The following PKD1L1 variants were observed in gnomAD, a reference collection of about 807,000 sequenced individuals.
PKD1L1 encodes polycystin 1 like 1, transient receptor potential channel interacting.
A neutral mutation model predicts 323.4 loss-of-function variants in PKD1L1; 236 were observed. That is an observed-to-expected ratio of 0.73 (90% CI 0.66 to 0.81). The LOEUF is 0.81. PKD1L1 is among the 40% of genes least tolerant of loss of function. The pLI, the probability that PKD1L1 is intolerant of heterozygous loss-of-function variation, is 0.00. For synonymous variants in PKD1L1, 1,344 were observed against 1,335.0 expected, an observed-to-expected ratio of 1.01 and a Z score of -0.15; for missense variants, 3,320 against 3,508.0, an observed-to-expected ratio of 0.95 and a Z score of 1.35.
chr7:47,820,674 C>T (rs1379128382), intron 46 of PKD1L1, among the ~76,000 whole-genome samples: 1 of 151,796 alleles, frequency 6.6e-6, no homozygotes, highest in Non-Finnish European at 1.5e-5. Context: ...TTGCAGTGAG[C>T]TGAGATGGCG....
chr7:47,866,684 A>G, intron 24 of PKD1L1, 70 bp from the exon 25 acceptor site: 1 of 1,347,696 alleles, frequency 7.4e-7, no homozygotes, highest in East Asian at 2.3e-5. Flanking sequence ...GACTACCAAG[A>G]GTGGGATGGG....
chr7:47,827,301 G>A (rs772194390), intron 45 of PKD1L1, 49 bp downstream of exon 45: 5 of 1,473,826 alleles, frequency 3.4e-6, no homozygotes. Context: ...CTCCCTCCGA[G>A]AAGGGAGCTG....
Position 47,829,554 on chromosome 7 carries a change from G to A in PKD1L1, c.6606C>T (p.Asn2202=). The change falls in exon 44 of 57, where the codon AAC becomes AAT. Residue 2202 remains asparagine (N), a synonymous_variant. Coordinates refer to ENST00000289672, the MANE Select transcript of PKD1L1 (RefSeq NM_138295.5). ...LGFAWKRRAD[N]HFFTESLCEA... ...CACATAAAGACTCAGTAAAAAAGTGGTTGTCAGCTCTTCTTTTCCAAGCAA... is the reference window on the plus strand; with the variant it reads ...CACATAAAGACTCAGTAAAAAAGTGATTGTCAGCTCTTCTTTTCCAAGCAA... 6.2e-7 allele frequency: 1 copy of A among 1,613,446 alleles called. No homozygotes were observed. Among genetic ancestry groups the A allele is most frequent in the Non-Finnish European group, 8.5e-7 (1 of 1,179,870 alleles).
chr7:47,872,076 G>T (rs1219846410), intron 24 of PKD1L1, among the ~76,000 whole-genome samples: 1 of 152,146 alleles, frequency 6.6e-6, no homozygotes, highest in African/African-American at 2.4e-5. Flanking sequence ...GTTCAGCAGG[G>T]TTATAGGATA....
intron 3 of PKD1L1, among the ~76,000 whole-genome samples, chr7:47,939,836 C>A (rs1324402038): frequency 6.6e-6 from 1 of 151,946 alleles, no homozygotes; most frequent in Non-Finnish European, 1.5e-5. Context: ...TGAGGGGCAG[C>A]CCCCACTCCC....
chr7:47,877,758 G>T, intron 21 of PKD1L1, 127 bp from the exon 22 acceptor site: 1 of 1,097,752 alleles, frequency 9.1e-7, no homozygotes, highest in Non-Finnish European at 1.3e-6. Context: ...AGCAGCATCG[G>T]ACTAACCTGG....
At chr7:47,862,322 G>C (rs778069069) in intron 26 of PKD1L1, among the ~76,000 whole-genome samples, 1 of 152,196 alleles carries the variant, frequency 6.6e-6, no homozygotes, top group Non-Finnish European at 1.5e-5. Flanking sequence ...GGTGAATGAT[G>C]ATGCCCTCCC....
Position 47,829,924 on chromosome 7 carries a change from C to T in PKD1L1, c.6558+116G>A. The T allele has an allele frequency of 9.1e-6, 9 of 987,250 alleles. No homozygotes were observed. In the South Asian group the frequency reaches 9.7e-5, roughly 11 times the overall value. The allele number at this position is 987,250 out of a possible 1,614,324, so 61.2% of individuals were successfully genotyped here. ...GGCTCCTGGTTCTCTCCAACCACAG[C>T]TGAAATCAGGGTATAAAGAAAAGTC... On this transcript the variant is annotated intron_variant, in intron 43 of 56. Coordinates refer to ENST00000289672, the MANE Select transcript of PKD1L1 (RefSeq NM_138295.5).
chr7:47,800,593 C>T, intron 54 of PKD1L1, 56 bp downstream of exon 54: 2 of 1,558,276 alleles, frequency 1.3e-6, no homozygotes, highest in Non-Finnish European at 1.8e-6. Context: ...TTCACCCCAA[C>T]AGCAAATGAA....
At chr7:47,862,550 C>T (rs906279949) in intron 26 of PKD1L1, among the ~76,000 whole-genome samples, 1 of 152,068 alleles carries the variant, frequency 6.6e-6, no homozygotes, top group African/African-American at 2.4e-5. Context: ...GGAAGAGCAG[C>T]ATTAAAGAAA....
At chr7:47,872,200 C>A (rs1304419802) in intron 24 of PKD1L1, among the ~76,000 whole-genome samples, 1 of 152,208 alleles carries the variant, frequency 6.6e-6, no homozygotes, top group Non-Finnish European at 1.5e-5. Context: ...GAGCCCCAGT[C>A]TGCCCCAGCC....
intron 56 of PKD1L1, among the ~76,000 whole-genome samples, chr7:47,787,378 G>A (rs11760448): frequency 0.41 from 61,690 of 151,936 alleles, 12,662 homozygotes; most frequent in East Asian, 0.58. Context: ...TTTTCCTGTG[G>A]AATGAAACCA....
At position 47,813,965 on chromosome 7, in the gene PKD1L1, C is replaced by T. The variant is rs1784960397; in HGVS notation, c.7139G>A (p.Arg2380Lys). Reference sequence around the variant, plus strand: ...ATGCCTAGGAAAAACTTTTAGCTGCCTAATTACGGAACTGCCTATTAGGTA... The same window carrying T: ...ATGCCTAGGAAAAACTTTTAGCTGCTTAATTACGGAACTGCCTATTAGGTA... ...KCYLIGSSVI[R>K]QLKVFPRHLC... is the part of the protein sequence containing the mutation. Residue 2380 changes from arginine (R) to lysine (K), a missense_variant, in exon 48 of 57, where the codon AGG becomes AAG. Coordinates refer to ENST00000289672, the MANE Select transcript of PKD1L1 (RefSeq NM_138295.5). The T allele has an allele frequency of 6.2e-7, 1 of 1,614,090 alleles. No homozygotes were observed.
intron 7 of PKD1L1, among the ~76,000 whole-genome samples, chr7:47,924,412 AT>A (rs1247353826): frequency 6.6e-6 from 1 of 152,196 alleles, no homozygotes; most frequent in Non-Finnish European, 1.5e-5. Context: ...AATCCAAAAA[AT>A]ATCTCAAAAT....
At chr7:47,935,688 G>A (rs533553109) in intron 4 of PKD1L1, among the ~76,000 whole-genome samples, 34 of 152,298 alleles carry the variant, frequency 2.2e-4, no homozygotes, top group South Asian at 1.5e-3. Flanking sequence ...GACTTGGCCC[G>A]TGGTCTCCCA....
chr7:47,853,667 C>A (rs1032639849), intron 30 of PKD1L1, among the ~76,000 whole-genome samples: 1 of 150,514 alleles, frequency 6.6e-6, no homozygotes, highest in Non-Finnish European at 1.5e-5. Flanking sequence ...CACTTGAACC[C>A]GGGAGGCAGA....
chr7:47,952,798 GA>G (rs1583701859), upstream of PKD1L1, among the ~76,000 whole-genome samples: 1 of 152,196 alleles, frequency 6.6e-6, no homozygotes, highest in Admixed American at 6.5e-5. Flanking sequence ...TGTCAAGTTA[GA>G]AAAGACAAAT....
At chr7:47,853,448 A>G (rs1217365359) in intron 30 of PKD1L1, among the ~76,000 whole-genome samples, 2 of 152,128 alleles carry the variant, frequency 1.3e-5, no homozygotes, top group Non-Finnish European at 2.9e-5. Flanking sequence ...ATCTCATTAA[A>G]AACAAACACT....
intron 14 of PKD1L1, among the ~76,000 whole-genome samples, chr7:47,895,487 A>G (rs574416905): frequency 3.1e-4 from 47 of 152,084 alleles, no homozygotes; most frequent in Admixed American, 5.2e-4. Flanking sequence ...AAGAAATTGA[A>G]AGTAAGTATT....
Sources: gnomAD v4.1 joint callset for allele counts (sites outside exome capture counted in the v4.1 genomes callset) on GRCh38, gnomAD v4.1.1 for gene constraint, MANE v1.5 for transcripts, NCBI Gene and HGNC (gene_info 2026-07-23, HGNC 2026-07-21) for gene names.